ANO3: variants seen among roughly 807,000 people sequenced by gnomAD.
ANO3 encodes anoctamin-3.
A neutral mutation model predicts 144.8 loss-of-function variants in ANO3; 99 were observed. The ratio of observed to expected loss-of-function variants is 0.68; its 90% CI spans 0.58 to 0.81. The LOEUF (loss-of-function observed/expected upper bound fraction) is 0.81. Among genes scored for constraint, ANO3 ranks in the 30% least tolerant of loss-of-function variants. The pLI is 0.00. For synonymous variants in ANO3, 414 were observed against 392.6 expected, an observed-to-expected ratio of 1.05 and a Z score of -0.64; for missense variants, 905 against 1,202.2, an observed-to-expected ratio of 0.75 and a Z score of 3.66.
chr11:26,437,284 C>A (rs1298179704), intron 1 of ANO3, among the ~76,000 whole-genome samples: 2 of 152,248 alleles, frequency 1.3e-5, no homozygotes, highest in African/African-American at 4.8e-5. Context: ...CACGTGTGCC[C>A]AAGTGGCTGC....
At chr11:26,325,957 C>A (rs939259500) in intron 1 of ANO3, among the ~76,000 whole-genome samples, 4 of 152,054 alleles carry the variant, frequency 2.6e-5, no homozygotes, top group Admixed American at 2.6e-4. Context: ...AGTTAGACAG[C>A]ATGCTAGGAC....
chr11:26,354,765 A>G (rs1007081309), intron 1 of ANO3, among the ~76,000 whole-genome samples: 15 of 152,290 alleles, frequency 9.8e-5, no homozygotes, highest in Admixed American at 2.6e-4. Flanking sequence ...GTAAATAAGT[A>G]TCAACTTTGT....
chr11:26,252,604 T>A (rs1852954791), intron 1 of ANO3, among the ~76,000 whole-genome samples: 1 of 152,316 alleles, frequency 6.6e-6, no homozygotes, highest in South Asian at 2.1e-4. Context: ...TCTCCTCATT[T>A]ATTTTATCCA....
intron 1 of ANO3, among the ~76,000 whole-genome samples, chr11:26,240,163 G>A (rs1402952181): frequency 6.6e-6 from 1 of 152,150 alleles, no homozygotes; most frequent in African/African-American, 2.4e-5. Context: ...GAAGTACTAA[G>A]TGACTTTATT....
chr11:26,512,234 T>G (rs569760543), intron 5 of ANO3, among the ~76,000 whole-genome samples: 9 of 152,168 alleles, frequency 5.9e-5, no homozygotes, highest in African/African-American at 2.2e-4. Context: ...ATTTGCAGAG[T>G]GACTTTGTAA....
At chr11:26,515,569 G>T (rs1861830465) in intron 5 of ANO3, among the ~76,000 whole-genome samples, 1 of 151,930 alleles carries the variant, frequency 6.6e-6, no homozygotes, top group African/African-American at 2.4e-5. Flanking sequence ...GCAAATCCAT[G>T]AAACTAGCCC....
chr11:26,414,658 G>C (rs997232142), intron 1 of ANO3, among the ~76,000 whole-genome samples: 8 of 150,634 alleles, frequency 5.3e-5, no homozygotes, highest in Non-Finnish European at 1.0e-4. Flanking sequence ...TTAAATCCTA[G>C]ATGACGGGTT....
At chr11:26,365,248 C>T (rs1224979940) in intron 1 of ANO3, among the ~76,000 whole-genome samples, 1 of 152,242 alleles carries the variant, frequency 6.6e-6, no homozygotes, top group Non-Finnish European at 1.5e-5. Flanking sequence ...CAGCTCCACT[C>T]CTGCAGCTTT....
intron 1 of ANO3, among the ~76,000 whole-genome samples, chr11:26,368,189 A>T (rs1443447415): frequency 6.6e-6 from 1 of 152,232 alleles, no homozygotes; most frequent in Non-Finnish European, 1.5e-5. Flanking sequence ...TGAGTGAGCA[A>T]CAAGTCCTGG....
chr11:26,253,744 G>T (rs1046773457), intron 1 of ANO3, among the ~76,000 whole-genome samples: 1 of 152,070 alleles, frequency 6.6e-6, no homozygotes, highest in African/African-American at 2.4e-5. Context: ...GTAAAGCTGG[G>T]ATCTGAGGCC....
intron 24 of ANO3, among the ~76,000 whole-genome samples, chr11:26,654,222 TAAC>T (rs1853616410): frequency 6.6e-6 from 1 of 152,188 alleles, no homozygotes; most frequent in African/African-American, 2.4e-5. Context: ...ATTGACATTT[TAAC>T]AACCAATCTT....
chr11:26,522,578 A>G lies in ANO3; in HGVS notation c.693-3057A>G, dbSNP rs180698158. Among the ~76,000 whole-genome samples the G allele has an allele frequency of 5.0e-3, 765 of 152,340 alleles. 20 individuals carry two copies. Among genetic ancestry groups the G allele is most frequent in the Non-Finnish European group, 2.2e-3 (149 of 68,038 alleles). On this transcript the variant is annotated intron_variant, in intron 6 of 26. Transcript: ENST00000256737. ...GAAAAATAAAGCACCGTACATGAAC[A>G]GTAGGCAGTTACTAAATTACAGGAT...
At chr11:26,543,470 T>A (rs77967794) in intron 11 of ANO3, among the ~76,000 whole-genome samples, 85 of 151,918 alleles carry the variant, frequency 5.6e-4, no homozygotes, top group African/African-American at 1.2e-3. Flanking sequence ...TCTTTTTTTT[T>A]AATTATATTT....
At chr11:26,425,119 G>A (rs1048716922) in intron 1 of ANO3, among the ~76,000 whole-genome samples, 8 of 148,828 alleles carry the variant, frequency 5.4e-5, no homozygotes, top group Non-Finnish European at 1.2e-4. Flanking sequence ...GTTACAGAAA[G>A]CTAAGAGACT....
chr11:26,284,091 T>C (rs1409070996), intron 1 of ANO3, among the ~76,000 whole-genome samples: 2 of 152,088 alleles, frequency 1.3e-5, no homozygotes, highest in Non-Finnish European at 2.9e-5. Context: ...CTGCAGGCCT[T>C]GGAGGACAGG....
chr11:26,436,123 C>G (rs751581856), intron 1 of ANO3, among the ~76,000 whole-genome samples: 3 of 152,160 alleles, frequency 2.0e-5, no homozygotes, highest in Admixed American at 2.0e-4. Flanking sequence ...TGAGGAGAAG[C>G]GAGGACTGGG....
chr11:26,642,405 G>A (rs1334183047), intron 22 of ANO3, among the ~76,000 whole-genome samples: 1 of 139,246 alleles, frequency 7.2e-6, no homozygotes, highest in East Asian at 2.1e-4. Context: ...AGGCTGGAGT[G>A]CAGTGGCACA....
intron 10 of ANO3, among the ~76,000 whole-genome samples, chr11:26,540,546 A>C (rs1471967974): frequency 6.6e-6 from 1 of 152,106 alleles, no homozygotes. Context: ...AAAATTTTGC[A>C]ATCTATTGAT....
At chr11:26,449,838 C>A (rs1858857855) in intron 3 of ANO3, among the ~76,000 whole-genome samples, 1 of 151,802 alleles carries the variant, frequency 6.6e-6, no homozygotes, top group Non-Finnish European at 1.5e-5. Flanking sequence ...CTCACTGCAA[C>A]CTCTGCCTCG....
Sources: allele counts gnomAD v4.1 joint callset (sites outside exome capture counted in the v4.1 genomes callset), GRCh38; gene constraint gnomAD v4.1.1; transcripts MANE v1.5; gene names NCBI Gene and HGNC (gene_info 2026-07-23, HGNC 2026-07-21).